The following ZNF536 variants were observed in gnomAD, a reference collection of about 807,000 sequenced individuals.
The protein encoded by ZNF536 is zinc finger protein 536.
Under a neutral mutation model 84.5 loss-of-function variants are expected in ZNF536, and 13 were observed. The ratio of observed to expected loss-of-function variants is 0.15; its 90% CI spans 0.10 to 0.24. The LOEUF (loss-of-function observed/expected upper bound fraction) is 0.24. ZNF536 is among the 10% of genes least tolerant of loss of function. The pLI is 1.00. For missense variants in ZNF536, 1,536 were observed against 1,747.5 expected (o/e 0.88, Z 2.16); for synonymous variants, 811 against 742.5 (o/e 1.09, Z -1.50).
At chr19:30,694,684 T>A (rs1055593316) in intron 1 of ZNF536, among the ~76,000 whole-genome samples, 7 of 152,136 alleles carry the variant, frequency 4.6e-5, no homozygotes, top group Non-Finnish European at 7.4e-5. Context: ...CATTTTTTTT[T>A]AAAGAAATAG....
intron 1 of ZNF536, among the ~76,000 whole-genome samples, chr19:30,618,580 CTTTCTT>C (rs1250717616): frequency 2.0e-5 from 3 of 151,844 alleles, no homozygotes; most frequent in East Asian, 3.9e-4. Flanking sequence ...TTTCTTTTGT[CTTTCTT>C]TTGTTTTTGT....
In ZNF536 at chr19:30,549,431, A is replaced by G. The variant is rs113382608; in HGVS notation, c.3812A>G (p.Tyr1271Cys). Residue 1271 changes from tyrosine (Y) to cysteine (C), a missense_variant, in exon 4 of 5, where the codon TAC (tyrosine) becomes TGC (cysteine). By Grantham distance (194) the Tyr-to-Cys change is radical (BLOSUM62 -2). Transcript: ENST00000355537. ...PMNMLSVLRA[Y>C]SSDGLAAFNG... The stretch of plus-strand genomic sequence containing the variant: ...AACATGCTGTCGGTCCTCAGGGCCT[A>G]CAGTTCTGATGGCTTAGCAGCCTTT... 3.2e-6 allele frequency: 5 copies of G among 1,569,074 alleles called. No individual in the cohort carries two copies. Among genetic ancestry groups the G allele is most frequent in the East Asian group, 2.2e-5 (1 of 44,518 alleles).
At chr19:30,683,837 C>G (rs1024450433) in intron 1 of ZNF536, among the ~76,000 whole-genome samples, 1 of 152,208 alleles carries the variant, frequency 6.6e-6, no homozygotes, top group African/African-American at 2.4e-5. Context: ...ACAGGAGGGG[C>G]TGTACCTTAG....
intron 1 of ZNF536, among the ~76,000 whole-genome samples, chr19:30,431,518 C>T (rs773871004): frequency 6.6e-6 from 1 of 152,178 alleles, no homozygotes; most frequent in African/African-American, 2.4e-5. Context: ...CCTGGGCCGA[C>T]TTCTATAAAT....
intron 1 of ZNF536, among the ~76,000 whole-genome samples, chr19:30,373,245 G>A (rs1233062956): frequency 6.6e-6 from 1 of 152,044 alleles, no homozygotes; most frequent in Non-Finnish European, 1.5e-5. Context: ...TTCCCCACTG[G>A]CCAGGCCCTC....
chr19:30,660,602 GAA>G (rs2050089328), intron 1 of ZNF536, among the ~76,000 whole-genome samples: 1 of 152,152 alleles, frequency 6.6e-6, no homozygotes, highest in African/African-American at 2.4e-5. Context: ...AAAGATATCT[GAA>G]GAGCACTTAA....
chr19:30,609,894 TTATCCATC>T (rs974932757), intron 1 of ZNF536, among the ~76,000 whole-genome samples: 1 of 73,010 alleles, frequency 1.4e-5, no homozygotes, highest in Non-Finnish European at 2.9e-5. Context: ...ATCCACCCAT[TTATCCATC>T]CATCCATCCA....
intron 1 of ZNF536, among the ~76,000 whole-genome samples, chr19:30,385,841 C>A (rs1036479439): frequency 7.2e-5 from 11 of 152,178 alleles, no homozygotes; most frequent in African/African-American, 1.9e-4. Flanking sequence ...TTCAGTGATG[C>A]TGCTTTGGGT....
chr19:30,649,054 G>A (rs1225118257), intron 1 of ZNF536, among the ~76,000 whole-genome samples: 7 of 152,176 alleles, frequency 4.6e-5, no homozygotes, highest in African/African-American at 1.7e-4. Context: ...TGATTCCATA[G>A]TTAACCAGGA....
At chr19:30,279,727 C>T (rs541396371) in intron 1 of ZNF536, among the ~76,000 whole-genome samples, 142 of 152,214 alleles carry the variant, frequency 9.3e-4, no homozygotes, top group African/African-American at 3.1e-3. Context: ...GAGGGGGTTC[C>T]GAGGCATTGC....
intron 1 of ZNF536, among the ~76,000 whole-genome samples, chr19:30,391,264 C>A (rs1195731105): frequency 2.0e-5 from 3 of 152,212 alleles, no homozygotes; most frequent in African/African-American, 4.8e-5. Context: ...CACATCTGTC[C>A]CAGTAGACTT....
At chr19:30,677,219 C>T (rs1330951914) in intron 1 of ZNF536, among the ~76,000 whole-genome samples, 5 of 152,264 alleles carry the variant, frequency 3.3e-5, no homozygotes, top group East Asian at 3.9e-4. Flanking sequence ...GGCTGGTGCT[C>T]GGGAGAGGTT....
intron 1 of ZNF536, among the ~76,000 whole-genome samples, chr19:30,384,113 T>TTTCC (rs2049204309): frequency 1.8e-5 from 1 of 56,630 alleles, no homozygotes; most frequent in Non-Finnish European, 3.6e-5. Flanking sequence ...TCTTTCTTTC[T>TTTCC]TTCTTTCTTT....
At chr19:30,385,461 C>A (rs73020958) in intron 1 of ZNF536, among the ~76,000 whole-genome samples, 2 of 151,974 alleles carry the variant, frequency 1.3e-5, no homozygotes, top group East Asian at 3.9e-4. Context: ...GCAGTGCTTC[C>A]TCTCTTCTCC....
At chr19:30,472,140 A>G (rs1375415835) in intron 2 of ZNF536, among the ~76,000 whole-genome samples, 1 of 152,136 alleles carries the variant, frequency 6.6e-6, no homozygotes, top group Non-Finnish European at 1.5e-5. Context: ...AGAAGAGTGT[A>G]CAGCTGCCAA....
chr19:30,410,463 G>GTTTTTTTTTTTT (rs1165876265), intron 1 of ZNF536, among the ~76,000 whole-genome samples: 1 of 94,688 alleles, frequency 1.1e-5, no homozygotes, highest in African/African-American at 6.1e-5. Flanking sequence ...AAAAGTGAAG[G>GTTTTTTTTTTTT]TCTTTTTTTT....
At chr19:30,375,124 T>A (rs1278511710) in intron 1 of ZNF536, among the ~76,000 whole-genome samples, 1 of 150,230 alleles carries the variant, frequency 6.7e-6, no homozygotes, top group Admixed American at 6.6e-5. Flanking sequence ...AGCCCCGGGG[T>A]GTTTTCTGGC....
downstream of ZNF536, among the ~76,000 whole-genome samples, chr19:30,561,710 GC>G: frequency 6.6e-6 from 1 of 152,316 alleles, no homozygotes; most frequent in Middle Eastern, 3.4e-3. Context: ...GATTGAAGGA[GC>G]CGGGGTATTT....
At chr19:30,411,247 A>G (rs1421061237) in intron 1 of ZNF536, among the ~76,000 whole-genome samples, 1 of 152,220 alleles carries the variant, frequency 6.6e-6, no homozygotes, top group Non-Finnish European at 1.5e-5. Context: ...GCACCAGTTT[A>G]CTTTTCTGCA....
Sources: gnomAD v4.1 joint callset for allele counts (sites outside exome capture counted in the v4.1 genomes callset) on GRCh38, gnomAD v4.1.1 for gene constraint, MANE v1.5 for transcripts, NCBI Gene and HGNC (gene_info 2026-07-23, HGNC 2026-07-21) for gene names.